The following AFAP1L1 variants were observed in gnomAD, a reference collection of about 807,000 sequenced individuals.
AFAP1L1 encodes actin filament associated protein 1 like 1, also known as actin filament-associated protein 1-like 1.
In AFAP1L1, 77 loss-of-function variants were observed where a neutral mutation model predicts 99.8. That is an observed-to-expected ratio of 0.77 (90% CI 0.64 to 0.93). The LOEUF is 0.93. Among genes scored for constraint, AFAP1L1 ranks in the 40% least tolerant of loss-of-function variants. AFAP1L1 has a pLI of 0.00. For synonymous variants in AFAP1L1, 373 were observed against 395.3 expected (o/e 0.94, Z 0.67); for missense variants, 893 against 996.8 (o/e 0.90, Z 1.40).
At chr5:149,325,098 C>A (rs1390053133) in intron 15 of AFAP1L1, among the ~76,000 whole-genome samples, 2 of 152,116 alleles carry the variant, frequency 1.3e-5, no homozygotes, top group Non-Finnish European at 2.9e-5. Flanking sequence ...CACTCCCTAG[C>A]AAAACAGCAG....
At chr5:149,322,296 TAA>T (rs1013760479) in intron 14 of AFAP1L1, among the ~76,000 whole-genome samples, 12 of 152,172 alleles carry the variant, frequency 7.9e-5, no homozygotes, top group Admixed American at 7.2e-4. Flanking sequence ...CCAAATGTTC[TAA>T]AGACAAAAGT....
Position 149,322,597 on chromosome 5 carries a change from T to C in AFAP1L1, c.1699-9T>C. 6.4e-7 allele frequency: 1 copy of C among 1,559,898 alleles called. No individual in the cohort carries two copies. Among genetic ancestry groups the C allele is most frequent in the Non-Finnish European group, 8.7e-7 (1 of 1,150,686 alleles). On this transcript the variant is annotated splice_polypyrimidine_tract_variant and intron_variant, in intron 14 of 18. Coordinates refer to ENST00000296721, the MANE Select transcript of AFAP1L1 (RefSeq NM_152406.4). ...CTGAACTTGACTGTCTTCCTCCATC[T>C]CCCACCAGGACGAGGAGCCCGAGCG...
intron 14 of AFAP1L1, 60 bp from the exon 15 acceptor site, chr5:149,322,546 C>A: frequency 8.0e-7 from 1 of 1,242,378 alleles, no homozygotes. Flanking sequence ...CCGCAATACA[C>A]CCTGCATTGA....
chr5:149,331,306 T>A (rs1010036368), intron 16 of AFAP1L1, among the ~76,000 whole-genome samples: 1 of 152,096 alleles, frequency 6.6e-6, no homozygotes, highest in African/African-American at 2.4e-5. Context: ...TTTAAAAATT[T>A]TTAAAGAAAA....
intron 1 of AFAP1L1, among the ~76,000 whole-genome samples, chr5:149,297,076 G>T (rs933513631): frequency 6.6e-6 from 1 of 152,212 alleles, no homozygotes; most frequent in Non-Finnish European, 1.5e-5. Context: ...GTGAGATTTG[G>T]GTGGGGACAC....
rs753729323 is a variant in AFAP1L1, at chr5:149,310,140, G to A, written c.927+5G>A. ...CAGGCCGAGGAGTGGCTGAAGGTGC[G>A]TGGCCTGCACCTGACCTTCCCGCCT... On this transcript the variant is annotated splice_donor_5th_base_variant and intron_variant, in intron 8 of 18. Transcript: ENST00000296721. 1.8e-5 allele frequency: 28 copies of A among 1,586,986 alleles called. No homozygotes were observed. Among genetic ancestry groups the A allele is most frequent in the South Asian group, 6.9e-5 (6 of 86,656 alleles).
chr5:149,308,655 C>T, intron 7 of AFAP1L1, among the ~76,000 whole-genome samples: 1 of 152,214 alleles, frequency 6.6e-6, no homozygotes, highest in East Asian at 1.9e-4. Context: ...CAGGGCGGCA[C>T]TAGTCCAGGG....
chr5:149,310,187 C>A, intron 8 of AFAP1L1, 52 bp downstream of exon 8: 2 of 1,509,426 alleles, frequency 1.3e-6, no homozygotes, highest in Non-Finnish European at 8.9e-7. Context: ...CTCTCTTCCC[C>A]AAGCCAGCCC....
intron 18 of AFAP1L1, 131 bp from the exon 19 acceptor site, chr5:149,339,876 G>A: frequency 1.3e-6 from 1 of 779,030 alleles, no homozygotes; most frequent in South Asian, 2.0e-5. Flanking sequence ...CAGAAAGAGA[G>A]AGAGGGGGTT....
chr5:149,295,228 T>A (rs1176102041), intron 1 of AFAP1L1, among the ~76,000 whole-genome samples: 1 of 152,236 alleles, frequency 6.6e-6, no homozygotes, highest in Non-Finnish European at 1.5e-5. Context: ...TTGGTCTGTT[T>A]GAACTTTGGT....
chr5:149,328,770 C>T (rs967169484), intron 15 of AFAP1L1, among the ~76,000 whole-genome samples: 2 of 152,084 alleles, frequency 1.3e-5, no homozygotes, highest in Non-Finnish European at 2.9e-5. Context: ...GCTGAGATCA[C>T]GCCACTGCAC....
chr5:149,316,163 A>G lies in AFAP1L1; in HGVS notation c.1127A>G (p.Lys376Arg). 9.3e-6 allele frequency: 15 copies of G among 1,613,592 alleles called. No individual in the cohort carries two copies. The highest frequency in any genetic ancestry group is 1.2e-5 in the Non-Finnish European group (14 of 1,179,566). The change falls in exon 11 of 19, where the codon AAG becomes AGG. Residue 376 changes from lysine to arginine, a missense_variant. Physicochemically the swap from Lys to Arg is conservative, Grantham distance 26. Coordinates refer to ENST00000296721, the MANE Select transcript of AFAP1L1 (RefSeq NM_152406.4). ...ATTTCCCCAACAGGCAAAGGGAAGA[A>G]GAGCAGCCTGGCAGAACTGAAGGGC... Reference protein sequence around the residue: ...RETCDHGKGKKSSLAELKGSM... With the variant: ...RETCDHGKGKRSSLAELKGSM...
chr5:149,332,328 C>T (rs549661375), intron 16 of AFAP1L1, among the ~76,000 whole-genome samples: 23 of 152,158 alleles, frequency 1.5e-4, no homozygotes, highest in Admixed American at 2.6e-4. Flanking sequence ...TCCCAGGAGG[C>T]GGAGGTTGCA....
Position 149,335,621 on chromosome 5 carries a change from G to A in AFAP1L1, c.2182G>A (p.Val728Ile), listed in dbSNP as rs143117370. 4.8e-4 allele frequency: 774 copies of A among 1,612,638 alleles called. 3 individuals carry two copies. Among genetic ancestry groups the A allele is most frequent in the African/African-American group, 3.9e-3 (292 of 74,984 alleles). The change falls in exon 18 of 19, where the codon GTT becomes ATT. Residue 728 changes from valine (V) to isoleucine (I), a missense_variant. Physicochemically the swap from Val to Ile is conservative, Grantham distance 29. Coordinates refer to ENST00000296721, the MANE Select transcript of AFAP1L1 (RefSeq NM_152406.4). ...AACTGCAAATAAACCCCAGAACAGC[G>A]TTCCAGAGCAACCTCTCCCTGTCAA... ...GETANKPQNS[V>I]PEQPLPVNCV...
intron 17 of AFAP1L1, among the ~76,000 whole-genome samples, chr5:149,334,772 C>T (rs1437533002): frequency 6.6e-6 from 1 of 151,898 alleles, no homozygotes; most frequent in Non-Finnish European, 1.5e-5. Context: ...ATTAATTGGG[C>T]ATGGTGGCAC....
intron 15 of AFAP1L1, among the ~76,000 whole-genome samples, chr5:149,327,362 G>A (rs375748243): frequency 6.6e-6 from 1 of 152,044 alleles, no homozygotes; most frequent in East Asian, 1.9e-4. Flanking sequence ...CAACAGAAAT[G>A]TATTTCTCAT....
Position 149,271,874 on chromosome 5 carries a change from C to A in AFAP1L1, c.-95C>A. ...AGGGGACCGCAGAGAGCGCCGGCCG[C>A]TGGGCTGGCCTGAGAGCGCAGCGCG... On this transcript the variant is annotated 5_prime_UTR_variant, in exon 1 of 19. The change creates a new upstream start codon in the 5' untranslated region. Transcript: ENST00000296721. 2.0e-6 allele frequency: 2 copies of A among 999,642 alleles called. No homozygotes were observed. The highest frequency in any genetic ancestry group is 2.5e-6 in the Non-Finnish European group (2 of 791,820). 61.9% of individuals were successfully genotyped at this position (999,642 alleles called of 1,614,324 possible).
At position 149,316,272 on chromosome 5, in the gene AFAP1L1, G is replaced by A. The variant is rs759561738; in HGVS notation, c.1236G>A (p.Thr412=). The A allele has an allele frequency of 1.8e-5, 29 of 1,613,922 alleles. No homozygotes were observed. The highest frequency in any genetic ancestry group is 4.5e-5 in the East Asian group (2 of 44,884). Residue 412 remains threonine, a synonymous_variant, in exon 11 of 19, where the codon ACG becomes ACA. Transcript: ENST00000296721. Reference sequence around the variant, plus strand: ...AGACACTGGCCGATGACCTGCAGACGTCCTCCACCGAGGAGGAGGTTCCCT... The same window carrying A: ...AGACACTGGCCGATGACCTGCAGACATCCTCCACCGAGGAGGAGGTTCCCT... The part of the protein sequence containing the change: ...KKKTLADDLQ[T]SSTEEEVPCC...
At chr5:149,338,346 C>G (rs1757465644) in intron 18 of AFAP1L1, among the ~76,000 whole-genome samples, 1 of 152,034 alleles carries the variant, frequency 6.6e-6, no homozygotes, top group African/African-American at 2.4e-5. Context: ...CCTATAGTCC[C>G]AGCTACTCCA....
Sources: allele counts gnomAD v4.1 joint callset (sites outside exome capture counted in the v4.1 genomes callset), GRCh38; gene constraint gnomAD v4.1.1; transcripts MANE v1.5; gene names NCBI Gene and HGNC (gene_info 2026-07-23, HGNC 2026-07-21).